Variants in CRTC2 observed in about 807,000 individuals in gnomAD.
CRTC2 encodes the protein CREB regulated transcription coactivator 2.
Under a neutral mutation model 70.9 loss-of-function variants are expected in CRTC2, and 25 were observed. The ratio of observed to expected loss-of-function variants is 0.35; its 90% CI spans 0.26 to 0.49. The LOEUF (loss-of-function observed/expected upper bound fraction) is 0.49. Ranked by LOEUF, CRTC2 falls within the 20% of genes least tolerant of loss-of-function variation. The probability of loss-of-function intolerance (pLI) is 0.98; values close to 1 mark genes in which losing one functional copy is unlikely to be tolerated. For synonymous variants in CRTC2, 330 were observed against 364.1 expected (o/e 0.91, Z 1.07); for missense variants, 737 against 882.6 (o/e 0.83, Z 2.09).
At position 153,952,139 on chromosome 1, in the gene CRTC2, G is replaced by A. The variant is rs1342924145; in HGVS notation, c.876C>T (p.Asp292=). 6.2e-7 allele frequency: 1 copy of A among 1,614,090 alleles called. No homozygotes were observed. The highest frequency in any genetic ancestry group is 1.7e-5 in the Admixed American group (1 of 60,020). The part of the protein sequence containing the change: ...HFPPPLPTPL[D]PEETAYPSLS... ...GGCTAGGGTAGGCTGTCTCTTCAGG[G>A]TCCAGGGGGGTGGGCAGTGGTGGGG... The change falls in exon 10 of 14, where the codon GAC becomes GAT. Residue 292 remains aspartate, a synonymous_variant. Transcript: ENST00000368633.
chr1:153,951,727 C>T, intron 10 of CRTC2, 61 bp from the exon 11 acceptor site: 2 of 1,571,462 alleles, frequency 1.3e-6, no homozygotes, highest in South Asian at 1.2e-5. Flanking sequence ...GAGCCCCTTT[C>T]CACCCAGAAT....
intron 9 of CRTC2, 21 bp from the exon 10 acceptor site, chr1:153,952,283 GA>G (rs1303492526): frequency 6.3e-7 from 1 of 1,597,886 alleles, no homozygotes; most frequent in Admixed American, 1.7e-5. Context: ...GAGAGAAAAA[GA>G]AAGATGTAAA....
In CRTC2 at chr1:153,948,772, G is replaced by C; in HGVS notation, c.1675-128C>G. 1.2e-5 allele frequency: 13 copies of C among 1,098,990 alleles called. No homozygotes were observed. The South Asian group carries it at 1.7e-4, about 14-fold the overall frequency. The allele number at this position is 1,098,990 out of a possible 1,614,324, so 68.1% of individuals were successfully genotyped here. ...AGGAACAGAGGCAATGACAGAGGGAGGTGGCAGCAAGCAGAGCGACAGAAG... is the reference window on the plus strand; with the variant it reads ...AGGAACAGAGGCAATGACAGAGGGACGTGGCAGCAAGCAGAGCGACAGAAG... On this transcript the variant is annotated intron_variant, in intron 12 of 13. Transcript: ENST00000368633.
Position 153,952,082 on chromosome 1 carries a change from G to C in CRTC2, c.933C>G (p.Thr311=), listed in dbSNP as rs751601004. 1.7e-5 allele frequency: 27 copies of C among 1,614,014 alleles called. No individual in the cohort carries two copies. Among genetic ancestry groups the C allele is most frequent in the Non-Finnish European group, 2.1e-5 (25 of 1,180,024 alleles). ...LSGGNSTSNL[T]HTMTHLGISR... ...TGATGCCCAGGTGAGTCATGGTGTG[G>C]GTCAAATTGGAGGTACTGTTGCCCC... Residue 311 remains threonine (T), a synonymous_variant, in exon 10 of 14, where the codon ACC becomes ACG. Transcript: ENST00000368633.
In CRTC2 at chr1:153,949,363, T is replaced by G; in HGVS notation, c.1426A>C (p.Lys476Gln). ...GGTAACCGCTGGTCAGTGGACAGTTTACTGGTATCCAGGGGGACGCCCTGA... is the reference window on the plus strand; with the variant it reads ...GGTAACCGCTGGTCAGTGGACAGTTGACTGGTATCCAGGGGGACGCCCTGA... ...ITQGVPLDTS[K>Q]LSTDQRLPPY... The change falls in exon 12 of 14, where the codon AAA becomes CAA. Residue 476 changes from lysine to glutamine, a missense_variant. Around this residue, in one of 3 missense-constraint regions of CRTC2, gnomAD observed 699 missense variants for 823.7 expected, o/e 0.85. Coordinates refer to ENST00000368633, the MANE Select transcript of CRTC2 (RefSeq NM_181715.3). 2 of 1,612,124 alleles carry G rather than the reference T, an allele frequency of 1.2e-6. No individual in the cohort carries two copies. The highest frequency in any genetic ancestry group is 1.7e-5 in the Admixed American group (1 of 59,814).
Position 153,958,226 on chromosome 1 carries a change from G to A in CRTC2, c.153+119C>T, listed in dbSNP as rs1680741096. 5.6e-6 allele frequency: 8 copies of A among 1,437,758 alleles called. No individual in the cohort carries two copies. In the South Asian group the frequency reaches 1.1e-4, roughly 20 times the overall value. 89.1% of individuals were successfully genotyped at this position (1,437,758 alleles called of 1,614,324 possible). A position where few individuals can be genotyped will look rare whatever the true frequency, so the allele number is the denominator to read the frequency against. The stretch of plus-strand genomic sequence containing the variant: ...CAACCTGCGCCTCCCAAACGGCGGC[G>A]CCCGCGTCCCCTGCTCTGTTCCGCC... On this transcript the variant is annotated intron_variant, in intron 1 of 13. Coordinates refer to ENST00000368633, the MANE Select transcript of CRTC2 (RefSeq NM_181715.3).
chr1:153,953,464 G>C, intron 5 of CRTC2, 74 bp downstream of exon 5: 2 of 1,535,678 alleles, frequency 1.3e-6, no homozygotes, highest in Non-Finnish European at 1.8e-6. Flanking sequence ...GTCTGGAACA[G>C]GGTGGGGGTG....
At chr1:153,957,658 T>G (rs1218457325) in intron 1 of CRTC2, among the ~76,000 whole-genome samples, 1 of 152,040 alleles carries the variant, frequency 6.6e-6, no homozygotes, top group African/African-American at 2.4e-5. Flanking sequence ...CAGCAAACCA[T>G]AGAGTTCCAC....
intron 1 of CRTC2, among the ~76,000 whole-genome samples, chr1:153,955,739 G>A (rs930015736): frequency 1.3e-5 from 2 of 149,196 alleles, no homozygotes; most frequent in African/African-American, 5.0e-5. Context: ...AAAAAGGCCA[G>A]TGTTGGGGTT....
At position 153,949,195 on chromosome 1, in the gene CRTC2, C is replaced by T. The variant is rs762190511; in HGVS notation, c.1594G>A (p.Gly532Arg). The T allele has an allele frequency of 6.2e-7, 1 of 1,614,100 alleles. No individual in the cohort carries two copies. The highest frequency in any genetic ancestry group is 1.1e-5 in the South Asian group (1 of 91,084). ...CTGGGCCCAGGTGGGTACGGTGTCC[C>T]ATAATGAGACTGCCTGCCTGGGGGC... Reference protein sequence around the residue: ...GQPPGRQSHYGTPYPPGPSGH... With the variant: ...GQPPGRQSHYRTPYPPGPSGH... The change falls in exon 12 of 14, where the codon GGG (glycine) becomes AGG (arginine). Residue 532 changes from glycine (G) to arginine (R), a missense_variant. Gly to Arg is a moderately radical substitution (Grantham distance 125). Coordinates refer to ENST00000368633, the MANE Select transcript of CRTC2 (RefSeq NM_181715.3).
intron 1 of CRTC2, among the ~76,000 whole-genome samples, chr1:153,955,514 C>T (rs576070571): frequency 6.7e-6 from 1 of 148,494 alleles, no homozygotes; most frequent in Admixed American, 6.8e-5. Context: ...TTGCAGTAAG[C>T]CGAGACTGTG....
rs201092523 is a variant in CRTC2 at position 153,952,555 on chromosome 1, G to A, written c.702+16C>T. The A allele has an allele frequency of 3.1e-5, 50 of 1,613,834 alleles. No individual in the cohort carries two copies. Among genetic ancestry groups the A allele is most frequent in the South Asian group, 2.3e-4 (21 of 91,072 alleles). ...GCAGAGAGACTAGTGGGTGACACCCGGTGGCCTCCTCCTACCTTCTTAGCA... is the reference window on the plus strand; with the variant it reads ...GCAGAGAGACTAGTGGGTGACACCCAGTGGCCTCCTCCTACCTTCTTAGCA... On this transcript the variant is annotated intron_variant, in intron 8 of 13. Transcript: ENST00000368633.
intron 10 of CRTC2, 132 bp from the exon 11 acceptor site, chr1:153,951,798 C>T: frequency 9.2e-7 from 1 of 1,084,216 alleles, no homozygotes; most frequent in Non-Finnish European, 1.3e-6. Flanking sequence ...CTATCCCTGA[C>T]AGCACTGCCC....
intron 4 of CRTC2, 139 bp downstream of exon 4, chr1:153,954,116 T>A (rs1680495632): frequency 1.4e-6 from 1 of 691,986 alleles, no homozygotes; most frequent in Non-Finnish European, 2.6e-6. Flanking sequence ...TGTCTCCACC[T>A]CTCTCAGCCC....
rs1180357745 is a variant in CRTC2, at chr1:153,953,451, C to T, written c.504-82G>A. On this transcript the variant is annotated intron_variant, in intron 5 of 13. Coordinates refer to ENST00000368633, the MANE Select transcript of CRTC2 (RefSeq NM_181715.3). ...CCTGCCCAGCAAGGGAAAACACTAG[C>T]TGGTCTGGAACAGGGTGGGGGTGAG... is the stretch of plus-strand genomic sequence containing the variant. 6 of 1,521,518 alleles carry T rather than the reference C, an allele frequency of 3.9e-6. No individual in the cohort carries two copies. In the Admixed American group the frequency reaches 8.9e-5, roughly 23 times the overall value. The allele number at this position is 1,521,518 out of a possible 1,614,324, so 94.3% of individuals were successfully genotyped here.
At chr1:153,952,931 C>G in intron 6 of CRTC2, 97 bp from the exon 7 acceptor site, 1 of 1,475,212 alleles carries the variant, frequency 6.8e-7, no homozygotes, top group South Asian at 1.1e-5. Context: ...TGCCTGTAAT[C>G]CCAGCACTTT....
In CRTC2 at chr1:153,949,213, C is replaced by G; in HGVS notation, c.1576G>C (p.Gly526Arg). The G allele has an allele frequency of 1.9e-6, 3 of 1,614,144 alleles. No homozygotes were observed. The highest frequency in any genetic ancestry group is 2.2e-5 in the South Asian group (2 of 91,086). Residue 526 changes from glycine to arginine, a missense_variant, in exon 12 of 14, where the codon GGC (glycine) becomes CGC (arginine). Coordinates refer to ENST00000368633, the MANE Select transcript of CRTC2 (RefSeq NM_181715.3). Reference protein sequence around the residue: ...SVQSSGGQPPGRQSHYGTPYP... With the variant: ...SVQSSGGQPPRRQSHYGTPYP... Reference sequence around the variant, plus strand: ...GGTGTCCCATAATGAGACTGCCTGCCTGGGGGCTGCCCACCTGAGGACTGC... The same window carrying G: ...GGTGTCCCATAATGAGACTGCCTGCGTGGGGGCTGCCCACCTGAGGACTGC...
chr1:153,949,662 A>C (rs1680218672), intron 11 of CRTC2, among the ~76,000 whole-genome samples: 1 of 152,132 alleles, frequency 6.6e-6, no homozygotes, highest in Admixed American at 6.5e-5. Flanking sequence ...CAGCCTGGCC[A>C]ACATGGTGAA....
At position 153,951,404 on chromosome 1, in the gene CRTC2, G is replaced by A. The variant is rs1416552483; in HGVS notation, c.1260C>T (p.Thr420=). The A allele has an allele frequency of 1.3e-5, 21 of 1,609,238 alleles. No homozygotes were observed. Among genetic ancestry groups the A allele is most frequent in the African/African-American group, 2.7e-5 (2 of 74,944 alleles). ...GGCGGTGGTGGGGGGAGGCCCCAGG[G>A]GTAGAAGCAGGGTAAGAGGGGGCGC... The part of the protein sequence containing the change: ...VLGAPSYPAS[T]PGASPHHRRV... The change falls in exon 11 of 14, where the codon ACC becomes ACT. Residue 420 remains threonine (T), a synonymous_variant. Coordinates refer to ENST00000368633, the MANE Select transcript of CRTC2 (RefSeq NM_181715.3).
Sources: allele counts gnomAD v4.1 joint callset (sites outside exome capture counted in the v4.1 genomes callset), GRCh38; gene constraint gnomAD v4.1.1; regional missense constraint gnomAD v4.1.1; transcripts MANE v1.5; gene names NCBI Gene and HGNC (gene_info 2026-07-23, HGNC 2026-07-21).